PDE4B: variants seen among roughly 807,000 people sequenced by gnomAD.
PDE4B encodes phosphodiesterase 4B.
PDE4B carries 20 observed loss-of-function variants against 82.2 expected under a neutral mutation model. The ratio of observed to expected loss-of-function variants is 0.24; its 90% CI spans 0.17 to 0.35. The LOEUF is 0.35. Ranked by LOEUF, PDE4B falls within the 10% of genes least tolerant of loss-of-function variation. PDE4B has a pLI of 1.00. For missense variants in PDE4B, 655 were observed against 907.2 expected, an observed-to-expected ratio of 0.72 and a Z score of 3.57; for synonymous variants, 320 against 318.9, an observed-to-expected ratio of 1.00 and a Z score of -0.04.
chr1:65,916,009 CTAAAT>C (rs1380566728), intron 2 of PDE4B, among the ~76,000 whole-genome samples: 1 of 152,058 alleles, frequency 6.6e-6, no homozygotes, highest in Non-Finnish European at 1.5e-5. Flanking sequence ...TGAGAATTGA[CTAAAT>C]TAAATTTTAC....
At chr1:66,175,444 C>T (rs1646914501) in intron 3 of PDE4B, among the ~76,000 whole-genome samples, 1 of 152,144 alleles carries the variant, frequency 6.6e-6, no homozygotes, top group Non-Finnish European at 1.5e-5. Context: ...GAGACCAGGT[C>T]CCTGTGATGA....
intron 7 of PDE4B, among the ~76,000 whole-genome samples, chr1:66,271,306 C>T (rs578073135): frequency 2.0e-5 from 3 of 152,358 alleles, no homozygotes; most frequent in Admixed American, 1.3e-4. Flanking sequence ...TCTAAGTTCT[C>T]ACTAGCTGCC....
chr1:66,011,199 A>G (rs915382666), intron 3 of PDE4B, among the ~76,000 whole-genome samples: 1 of 139,420 alleles, frequency 7.2e-6, no homozygotes, highest in African/African-American at 2.7e-5. Flanking sequence ...TTTTTTTGCT[A>G]TTACAAATAA....
chr1:65,794,509 A>G (rs1414693770), intron 1 of PDE4B, among the ~76,000 whole-genome samples: 1 of 152,196 alleles, frequency 6.6e-6, no homozygotes, highest in Non-Finnish European at 1.5e-5. Flanking sequence ...TGAATTCACA[A>G]GAAGATAGAT....
chr1:66,134,645 A>G (rs939338697), intron 3 of PDE4B, among the ~76,000 whole-genome samples: 1 of 152,210 alleles, frequency 6.6e-6, no homozygotes, highest in Admixed American at 6.5e-5. Flanking sequence ...ATCTAAGGCT[A>G]TTTCCTTATT....
intron 7 of PDE4B, chr1:66,332,062 AG>A: frequency 9.2e-7 from 1 of 1,088,390 alleles, no homozygotes; most frequent in Non-Finnish European, 1.1e-6. Context: ...AATGAGAAAA[AG>A]CTTTCCTCAT....
chr1:66,081,272 G>A (rs1570173412), intron 3 of PDE4B, among the ~76,000 whole-genome samples: 1 of 152,128 alleles, frequency 6.6e-6, no homozygotes, highest in East Asian at 1.9e-4. Context: ...TGTCTCTTCT[G>A]TTATCAACGT....
intron 1 of PDE4B, among the ~76,000 whole-genome samples, chr1:65,850,659 TTGTGTGTATATGTGTGTTTGCATG>T (rs1646321308): frequency 6.6e-6 from 1 of 152,014 alleles, no homozygotes; most frequent in East Asian, 1.9e-4. Context: ...TTGTGTGTAT[TTGTGTGTATATGTGTGTTTGCATG>T]TGTGTGTATA....
chr1:66,298,912 T>C (rs1657696300), intron 7 of PDE4B, among the ~76,000 whole-genome samples: 1 of 152,044 alleles, frequency 6.6e-6, no homozygotes, highest in African/African-American at 2.4e-5. Flanking sequence ...CTGTGGTACC[T>C]TTTTTTCCTT....
At chr1:66,203,677 G>A (rs1649247386) in intron 3 of PDE4B, among the ~76,000 whole-genome samples, 1 of 151,938 alleles carries the variant, frequency 6.6e-6, no homozygotes, top group Non-Finnish European at 1.5e-5. Flanking sequence ...TGTAGTTCTC[G>A]AGCCTTGGCT....
At position 66,045,554 on chromosome 1, in the gene PDE4B, C is replaced by T. The variant is rs182649310; in HGVS notation, c.281+126719C>T. ...TTCCTAATTTTATTCAAGAATGTAG[C>T]AGGAAATTCATGAAGCATTGATGAA... is the stretch of plus-strand genomic sequence containing the variant. On this transcript the variant is annotated intron_variant, in intron 3 of 16. Coordinates refer to ENST00000341517, the MANE Select transcript of PDE4B (RefSeq NM_002600.4). Among the ~76,000 whole-genome samples, 293 of 151,784 alleles carry T rather than the reference C, an allele frequency of 1.9e-3. 1 individual carries two copies. The highest frequency in any genetic ancestry group is 6.8e-3 in the African/African-American group (280 of 41,468).
chr1:66,194,393 C>T (rs1648094299), intron 3 of PDE4B, among the ~76,000 whole-genome samples: 1 of 152,042 alleles, frequency 6.6e-6, no homozygotes, highest in Non-Finnish European at 1.5e-5. Context: ...TTTAACAAAA[C>T]ATATAATGAA....
intron 1 of PDE4B, among the ~76,000 whole-genome samples, chr1:65,907,135 A>G (rs1647035961): frequency 2.0e-5 from 3 of 152,126 alleles, no homozygotes; most frequent in African/African-American, 7.2e-5. Context: ...TTTGCATCAT[A>G]CAACTTCAAA....
chr1:66,039,963 A>C (rs1654277850), intron 3 of PDE4B, among the ~76,000 whole-genome samples: 1 of 151,994 alleles, frequency 6.6e-6, no homozygotes, highest in African/African-American at 2.4e-5. Context: ...GTGGTTTCAG[A>C]TTCTGCCCCT....
chr1:65,819,336 A>G (rs1447962133), intron 1 of PDE4B, among the ~76,000 whole-genome samples: 1 of 152,134 alleles, frequency 6.6e-6, no homozygotes, highest in Non-Finnish European at 1.5e-5. Context: ...GTCTCAGTAT[A>G]TGGTGATTGC....
chr1:66,203,628 A>T (rs534360254), intron 3 of PDE4B, among the ~76,000 whole-genome samples: 1 of 151,882 alleles, frequency 6.6e-6, no homozygotes, highest in African/African-American at 2.4e-5. Context: ...CCTTTCTTCC[A>T]GTTGTTCGCA....
chr1:66,372,974 C>T lies in PDE4B; in HGVS notation c.*296C>T. On this transcript the variant is annotated 3_prime_UTR_variant, in exon 17 of 17. Transcript: ENST00000341517. Reference sequence around the variant, plus strand: ...GAAGACACAAAACTGAGAGATCATTCTGCACTAAGTTTCGGGAACTTATCC... The same window carrying T: ...GAAGACACAAAACTGAGAGATCATTTTGCACTAAGTTTCGGGAACTTATCC... 1 of 304,328 alleles carries T rather than the reference C, an allele frequency of 3.3e-6. No individual in the cohort carries two copies. The highest frequency in any genetic ancestry group is 7.7e-5 in the South Asian group (1 of 13,036). The allele number at this position is 304,328 out of a possible 1,614,324, so 18.9% of individuals were successfully genotyped here.
chr1:66,283,338 C>A (rs1656423600), intron 7 of PDE4B, among the ~76,000 whole-genome samples: 1 of 151,410 alleles, frequency 6.6e-6, no homozygotes, highest in African/African-American at 2.4e-5. Context: ...TACATCATTG[C>A]CGTTATTGTT....
At chr1:65,958,248 T>TA (rs1044714541) in intron 3 of PDE4B, among the ~76,000 whole-genome samples, 1 of 152,076 alleles carries the variant, frequency 6.6e-6, no homozygotes, top group Non-Finnish European at 1.5e-5. Context: ...ATGGTTTTTT[T>TA]AAAAAATTTA....
Sources: gnomAD v4.1 joint callset for allele counts (sites outside exome capture counted in the v4.1 genomes callset) on GRCh38, gnomAD v4.1.1 for gene constraint, MANE v1.5 for transcripts, NCBI Gene and HGNC (gene_info 2026-07-23, HGNC 2026-07-21) for gene names.